R3HDM2: variants seen among roughly 807,000 people sequenced by gnomAD.
R3HDM2 encodes the protein R3H domain-containing protein 2.
R3HDM2 carries 38 observed loss-of-function variants against 124.5 expected under a neutral mutation model. The ratio of observed to expected loss-of-function variants is 0.31; its 90% CI spans 0.24 to 0.40. R3HDM2 has a LOEUF of 0.40. Ranked by LOEUF, R3HDM2 falls within the 10% of genes least tolerant of loss-of-function variation. The probability of loss-of-function intolerance (pLI) is 1.00; values close to 1 mark genes in which losing one functional copy is unlikely to be tolerated. For synonymous variants in R3HDM2, 391 were observed against 448.0 expected (o/e 0.87, Z 1.61); for missense variants, 869 against 1,236.9 (o/e 0.70, Z 4.46).
chr12:57,263,865 G>A (rs1264975752), intron 19 of R3HDM2, among the ~76,000 whole-genome samples: 4 of 152,256 alleles, frequency 2.6e-5, no homozygotes, highest in East Asian at 1.9e-4. Flanking sequence ...ACATAGTGAC[G>A]TACAAAAAAT....
At chr12:57,428,882 G>C (rs566442280) in intron 1 of R3HDM2, among the ~76,000 whole-genome samples, 24 of 151,950 alleles carry the variant, frequency 1.6e-4, no homozygotes, top group African/African-American at 5.1e-4. Flanking sequence ...AAGAAGCTGA[G>C]ATTACAGGTG....
At chr12:57,360,024 CACACATATATATAT>C (rs2061710121) in intron 2 of R3HDM2, among the ~76,000 whole-genome samples, 2 of 70,952 alleles carry the variant, frequency 2.8e-5, no homozygotes, top group South Asian at 6.7e-4. Context: ...TATATATATA[CACACATATATATAT>C]ATATATATAT....
At chr12:57,349,328 CG>C (rs2060415733) in intron 2 of R3HDM2, among the ~76,000 whole-genome samples, 1 of 130,446 alleles carries the variant, frequency 7.7e-6, no homozygotes, top group Non-Finnish European at 1.5e-5. Flanking sequence ...TGCAGTGAGC[CG>C]AGATCTCGCC....
chr12:57,259,752 A>G (rs963901827), intron 19 of R3HDM2, among the ~76,000 whole-genome samples: 2 of 152,240 alleles, frequency 1.3e-5, no homozygotes, highest in African/African-American at 2.4e-5. Flanking sequence ...CACTGAGTGT[A>G]CAAAAAACAA....
At chr12:57,281,700 G>A (rs2046183035) in intron 13 of R3HDM2, among the ~76,000 whole-genome samples, 1 of 149,532 alleles carries the variant, frequency 6.7e-6, no homozygotes, top group African/African-American at 2.6e-5. Context: ...TGGCCAGGCT[G>A]GTTTCGAACT....
At chr12:57,393,760 G>A (rs1024881853) in intron 2 of R3HDM2, among the ~76,000 whole-genome samples, 4 of 152,088 alleles carry the variant, frequency 2.6e-5, no homozygotes, top group Non-Finnish European at 5.9e-5. Flanking sequence ...TCTACACCTA[G>A]GCATACAATC....
At position 57,280,425 on chromosome 12, in the gene R3HDM2, T is replaced by C. The variant is rs2045862518; in HGVS notation, c.1277A>G (p.Gln426Arg). ...TAQQQQQQQQ[Q>R]QLPALPPTPQ... ...CGTGGGTGGGAGAGCAGGAAGTTGC[T>C]GCTGCTGCTGCTGCTGTTGCTGCTG... The change falls in exon 14 of 24, where the codon CAG (glutamine) becomes CGG (arginine). Residue 426 changes from glutamine to arginine, a missense_variant. By Grantham distance (43) the Gln-to-Arg change is conservative. This residue lies in a region of R3HDM2 where 602 missense variants were observed against 789.2 expected (regional missense o/e 0.76). Coordinates refer to ENST00000402412, the MANE Select transcript of R3HDM2 (RefSeq NM_001394031.1). The C allele has an allele frequency of 1.9e-6, 3 of 1,613,608 alleles. No homozygotes were observed. The highest frequency in any genetic ancestry group is 2.5e-6 in the Non-Finnish European group (3 of 1,179,696).
intron 2 of R3HDM2, among the ~76,000 whole-genome samples, chr12:57,392,371 G>C (rs1257942556): frequency 6.6e-6 from 1 of 152,180 alleles, no homozygotes; most frequent in Non-Finnish European, 1.5e-5. Context: ...CATTAGATTT[G>C]CCTAAGGACT....
rs1423590184 is a variant in R3HDM2 at position 57,415,144 on chromosome 12, T to C, written c.-106+15576A>G. On this transcript the variant is annotated intron_variant, in intron 1 of 23. Transcript: ENST00000402412. ...TACTTTTAATACTAACAGTAATGGA[T>C]TGTAACTTGTTGAATTTTTTTGAAC... 3.9e-5 allele frequency among the ~76,000 whole-genome samples: 6 copies of C among 152,158 alleles called. No homozygotes were observed. The East Asian group carries it at 9.6e-4, about 24-fold the overall frequency.
chr12:57,417,116 TCAA>T (rs1234717360), intron 1 of R3HDM2, among the ~76,000 whole-genome samples: 2 of 149,158 alleles, frequency 1.3e-5, no homozygotes, highest in East Asian at 2.0e-4. Context: ...AGACTCTGTC[TCAA>T]CAACAACAAA....
intron 2 of R3HDM2, among the ~76,000 whole-genome samples, chr12:57,322,108 C>T (rs1210015315): frequency 2.6e-5 from 4 of 151,934 alleles, no homozygotes; most frequent in Admixed American, 1.3e-4. Context: ...CTCGCCTGTT[C>T]GGGAGGCTGA....
At chr12:57,388,688 C>T (rs1319956500) in intron 2 of R3HDM2, among the ~76,000 whole-genome samples, 1 of 152,168 alleles carries the variant, frequency 6.6e-6, no homozygotes, top group Non-Finnish European at 1.5e-5. Context: ...AAGGCAGTTA[C>T]AGCTTATCTG....
chr12:57,351,473 G>A (rs555729739), intron 2 of R3HDM2, among the ~76,000 whole-genome samples: 1 of 152,300 alleles, frequency 6.6e-6, no homozygotes, highest in African/African-American at 2.4e-5. Context: ...AGTACTGAGG[G>A]AGTATGTGCC....
chr12:57,409,916 G>C (rs965806979), intron 1 of R3HDM2, among the ~76,000 whole-genome samples: 1 of 151,820 alleles, frequency 6.6e-6, no homozygotes, highest in African/African-American at 2.4e-5. Context: ...GGAAAGAAAA[G>C]AAAAAAAGCA....
intron 1 of R3HDM2, among the ~76,000 whole-genome samples, chr12:57,402,165 G>A (rs944443114): frequency 4.0e-5 from 6 of 151,374 alleles, no homozygotes; most frequent in Admixed American, 2.6e-4. Flanking sequence ...CATGGTGACA[G>A]GCGCCTGTAA....
chr12:57,258,508 C>A (rs911498789), intron 20 of R3HDM2, among the ~76,000 whole-genome samples: 9 of 151,890 alleles, frequency 5.9e-5, no homozygotes, highest in African/African-American at 2.2e-4. Context: ...TCACGCCTGG[C>A]TAATTTTTTT....
intron 2 of R3HDM2, among the ~76,000 whole-genome samples, chr12:57,379,056 G>T (rs2064466021): frequency 6.6e-6 from 1 of 152,090 alleles, no homozygotes; most frequent in Non-Finnish European, 1.5e-5. Context: ...TGCCAGGGCT[G>T]GGGGAAAGGG....
At chr12:57,427,521 T>C (rs938486286) in intron 1 of R3HDM2, among the ~76,000 whole-genome samples, 13 of 150,684 alleles carry the variant, frequency 8.6e-5, no homozygotes, top group African/African-American at 3.2e-4. Context: ...AGCTAATTTT[T>C]GTATTTTTAG....
chr12:57,272,348 T>G, intron 14 of R3HDM2: 1 of 993,642 alleles, frequency 1.0e-6, no homozygotes, highest in South Asian at 1.4e-5. Flanking sequence ...CAATATGCCC[T>G]CCAAAAGCAC....
Sources: allele counts gnomAD v4.1 joint callset (sites outside exome capture counted in the v4.1 genomes callset), GRCh38; gene constraint gnomAD v4.1.1; regional missense constraint gnomAD v4.1.1; transcripts MANE v1.5; gene names NCBI Gene and HGNC (gene_info 2026-07-23, HGNC 2026-07-21).